Variants in FHIT observed in about 807,000 individuals in gnomAD.
FHIT encodes the protein fragile histidine triad diadenosine triphosphatase, also known as bis(5'-adenosyl)-triphosphatase.
Under a neutral mutation model 17.9 loss-of-function variants are expected in FHIT, and 19 were observed. The ratio of observed to expected loss-of-function variants is 1.06; its 90% CI spans 0.74 to 1.56. The LOEUF (loss-of-function observed/expected upper bound fraction) is 1.56. Ranked by LOEUF, FHIT falls within the 40% of genes most tolerant of loss-of-function variation. The probability of loss-of-function intolerance (pLI) is 0.00; values close to 1 mark genes in which losing one functional copy is unlikely to be tolerated. For missense variants in FHIT, 248 were observed against 189.2 expected (o/e 1.31, Z -1.82); for synonymous variants, 81 against 69.7 (o/e 1.16, Z -0.81).
chr3:60,236,232 T>C (rs1704777617), intron 5 of FHIT, among the ~76,000 whole-genome samples: 1 of 150,798 alleles, frequency 6.6e-6, no homozygotes, highest in African/African-American at 2.4e-5. Context: ...CCTCTGATTG[T>C]AACAATAAAA....
intron 8 of FHIT, among the ~76,000 whole-genome samples, chr3:59,759,692 T>A (rs1217336620): frequency 1.3e-5 from 2 of 152,204 alleles, no homozygotes; most frequent in Admixed American, 1.3e-4. Flanking sequence ...TTCATGCTTC[T>A]GGCACCTCCC....
At chr3:61,145,346 A>C (rs1200028891) in intron 2 of FHIT, among the ~76,000 whole-genome samples, 1 of 152,156 alleles carries the variant, frequency 6.6e-6, no homozygotes, top group Non-Finnish European at 1.5e-5. Context: ...TCAATTGACC[A>C]TAAATGCGAG....
At chr3:60,205,992 G>C (rs1235652161) in intron 5 of FHIT, among the ~76,000 whole-genome samples, 1 of 150,236 alleles carries the variant, frequency 6.7e-6, no homozygotes, top group African/African-American at 2.4e-5. Context: ...AATTAGCCGG[G>C]CGTGGTTGCA....
At chr3:60,598,741 G>A (rs1336919074) in intron 4 of FHIT, among the ~76,000 whole-genome samples, 1 of 152,138 alleles carries the variant, frequency 6.6e-6, no homozygotes, top group African/African-American at 2.4e-5. Flanking sequence ...TGAGTTTGGT[G>A]GATTTTTTTC....
At chr3:61,103,630 A>T (rs1341901793) in intron 2 of FHIT, among the ~76,000 whole-genome samples, 1 of 152,162 alleles carries the variant, frequency 6.6e-6, no homozygotes, top group Admixed American at 6.5e-5. Flanking sequence ...CATCTCATTG[A>T]TCTGTCTAAT....
At chr3:60,669,305 C>T (rs1421774534) in intron 4 of FHIT, among the ~76,000 whole-genome samples, 1 of 152,180 alleles carries the variant, frequency 6.6e-6, no homozygotes, top group African/African-American at 2.4e-5. Context: ...GAGAAACTTG[C>T]TTAATGTGAT....
In FHIT at chr3:60,357,204, T is replaced by TTTTG. The variant is rs148313403; in HGVS notation, c.103+179652_103+179655dup. Among the ~76,000 whole-genome samples the TTTTG allele has an allele frequency of 6.7e-3, 1,027 of 152,180 alleles. 7 individuals are homozygous for TTTTG. The highest frequency in any genetic ancestry group is 0.033 in the South Asian group (157 of 4,820). ...AGGCAAACACTGGAGATCACTTGTT[T>TTTTG]TTTGTTTGTTTGTTTGTTTCTGAGA... On this transcript the variant is annotated intron_variant, in intron 5 of 9. Transcript: ENST00000492590.
intron 5 of FHIT, among the ~76,000 whole-genome samples, chr3:60,030,333 A>G (rs952044491): frequency 1.3e-5 from 2 of 152,110 alleles, no homozygotes; most frequent in African/African-American, 4.8e-5. Context: ...TTCCTTCACA[A>G]TGTTCCACTA....
chr3:60,077,704 A>C (rs1214632219), intron 5 of FHIT, among the ~76,000 whole-genome samples: 1 of 103,850 alleles, frequency 9.6e-6, no homozygotes, highest in African/African-American at 4.3e-5. Flanking sequence ...ACACACACAC[A>C]CACACACACA....
At chr3:61,164,689 T>C (rs1400308223) in intron 2 of FHIT, among the ~76,000 whole-genome samples, 5 of 152,194 alleles carry the variant, frequency 3.3e-5, no homozygotes, top group African/African-American at 1.2e-4. Flanking sequence ...GGCAAGTTTG[T>C]TACCTGAGTA....
At chr3:60,717,757 G>A (rs1559666313) in intron 4 of FHIT, among the ~76,000 whole-genome samples, 1 of 152,130 alleles carries the variant, frequency 6.6e-6, no homozygotes, top group African/African-American at 2.4e-5. Flanking sequence ...TGCCATGCTT[G>A]AACTACCTAA....
intron 5 of FHIT, among the ~76,000 whole-genome samples, chr3:60,192,207 C>T (rs1235023124): frequency 5.5e-5 from 8 of 146,568 alleles, no homozygotes; most frequent in African/African-American, 1.5e-4. Context: ...GCTGAGTTCA[C>T]GTCACTGCAC....
intron 5 of FHIT, among the ~76,000 whole-genome samples, chr3:60,385,862 G>C (rs1700987758): frequency 6.6e-6 from 1 of 152,108 alleles, no homozygotes; most frequent in South Asian, 2.1e-4. Context: ...ACATATGTGA[G>C]CCACTGTGCC....
At chr3:60,660,729 C>CTTTTTTTTTTTTTTTT in intron 4 of FHIT, among the ~76,000 whole-genome samples, 631 of 37,214 alleles carry the variant, frequency 0.017, 159 homozygotes, top group Non-Finnish European at 0.026. Context: ...TTATTGTGCT[C>CTTTTTTTTTTTTTTTT]TTTTTTTTTT....
chr3:61,202,476 T>C (rs2039055701), intron 1 of FHIT, among the ~76,000 whole-genome samples: 1 of 151,242 alleles, frequency 6.6e-6, no homozygotes, highest in Non-Finnish European at 1.5e-5. Context: ...TTCCCCAAGT[T>C]TGCATTTTTG....
intron 4 of FHIT, among the ~76,000 whole-genome samples, chr3:60,633,084 C>A (rs781950550): frequency 6.6e-6 from 1 of 152,170 alleles, no homozygotes; most frequent in Admixed American, 6.5e-5. Flanking sequence ...ATGCAAAATA[C>A]AACTGTAGAT....
chr3:59,900,910 G>A (rs1347268833), intron 8 of FHIT, among the ~76,000 whole-genome samples: 10 of 152,134 alleles, frequency 6.6e-5, no homozygotes, highest in Admixed American at 5.2e-4. Context: ...CACTGCGCCC[G>A]GCCAGGCCAC....
chr3:60,179,697 A>AT (rs1701838122), intron 5 of FHIT, among the ~76,000 whole-genome samples: 1 of 152,118 alleles, frequency 6.6e-6, no homozygotes, highest in African/African-American at 2.4e-5. Flanking sequence ...AAAAAAAAAA[A>AT]TAGGTTCCTT....
chr3:60,347,144 T>C lies in FHIT; in HGVS notation c.103+189716A>G, dbSNP rs1710822646. On this transcript the variant is annotated intron_variant, in intron 5 of 9. Transcript: ENST00000492590. ...GTTTTGGTCGTGAAACATTACCTTC[T>C]CGGTATGTGGTATGCCTATCAGCAG... Among the ~76,000 whole-genome samples, 4 of 152,158 alleles carry C rather than the reference T, an allele frequency of 2.6e-5. No individual in the cohort carries two copies. In the South Asian group the frequency reaches 6.2e-4, roughly 24 times the overall value.
Sources: allele counts gnomAD v4.1 joint callset (sites outside exome capture counted in the v4.1 genomes callset), GRCh38; gene constraint gnomAD v4.1.1; transcripts MANE v1.5; gene names NCBI Gene and HGNC (gene_info 2026-07-23, HGNC 2026-07-21).